The following MAP3K13 variants were observed in gnomAD, a reference collection of about 807,000 sequenced individuals.
MAP3K13 encodes mitogen-activated protein kinase kinase kinase 13, also known as leucine zipper-bearing kinase.
Under a neutral mutation model 104.0 loss-of-function variants are expected in MAP3K13, and 52 were observed. The ratio of observed to expected loss-of-function variants is 0.50; its 90% CI spans 0.40 to 0.63. The LOEUF is 0.63. Among genes scored for constraint, MAP3K13 ranks in the 20% least tolerant of loss-of-function variants. The pLI is 0.00. For synonymous variants in MAP3K13, 394 were observed against 442.2 expected (o/e 0.89, Z 1.37); for missense variants, 914 against 1,218.5 (o/e 0.75, Z 3.72).
rs1447269963 is a variant in MAP3K13 at position 185,455,516 on chromosome 3, AT to A, written c.1278+4122del. ...TATATACATGAGATATATATGAGAT[AT>A]ATATGATATATATGAGATATATATG... is the stretch of plus-strand genomic sequence containing the variant. On this transcript the variant is annotated intron_variant, in intron 7 of 13. Coordinates refer to ENST00000265026, the MANE Select transcript of MAP3K13 (RefSeq NM_004721.5). 2.7e-3 allele frequency among the ~76,000 whole-genome samples: 162 copies of A among 59,120 alleles called. 24 individuals carry two copies. The highest frequency in any genetic ancestry group is 6.5e-3 in the African/African-American group (155 of 23,878). The allele number at this position is 59,120 out of a possible 152,430, so 38.8% of individuals were successfully genotyped here.
intron 2 of MAP3K13, among the ~76,000 whole-genome samples, chr3:185,352,036 A>ATCAC (rs756594361): frequency 1.3e-5 from 2 of 152,210 alleles, no homozygotes; most frequent in African/African-American, 4.8e-5. Context: ...AGTTGCAAAC[A>ATCAC]TCACTCACTC....
chr3:185,348,148 A>G (rs77705043), intron 2 of MAP3K13, among the ~76,000 whole-genome samples: 24,321 of 152,136 alleles, frequency 0.16, 2,601 homozygotes, highest in African/African-American at 0.3. Context: ...AATTTTTCAA[A>G]TGTTGCATTG....
rs149149244 is a variant in MAP3K13, at chr3:185,333,039, G to A, written c.-86+47396G>A. 1.2e-3 allele frequency among the ~76,000 whole-genome samples: 176 copies of A among 152,238 alleles called. 1 individual carries two copies. The highest frequency in any genetic ancestry group is 3.9e-3 in the African/African-American group (164 of 41,530). On this transcript the variant is annotated intron_variant, in intron 2 of 14. Coordinates refer to the MAP3K13 transcript ENST00000424227. Reference sequence around the variant, plus strand: ...TTTCTTTCATTATGAGAGGGGTTGAGCATCTTTTCATATTTAAAATAAATG... The same window carrying A: ...TTTCTTTCATTATGAGAGGGGTTGAACATCTTTTCATATTTAAAATAAATG...
chr3:185,397,859 C>T (rs1436269772), intron 1 of MAP3K13, among the ~76,000 whole-genome samples: 7 of 152,052 alleles, frequency 4.6e-5, no homozygotes, highest in African/African-American at 1.7e-4. Flanking sequence ...TGTCAGTGGC[C>T]GTGTGGATGA....
chr3:185,333,245 T>C (rs556491331), intron 2 of MAP3K13, among the ~76,000 whole-genome samples: 1 of 152,312 alleles, frequency 6.6e-6, no homozygotes, highest in South Asian at 2.1e-4. Context: ...GATCTACTAA[T>C]AGCTGTGCAA....
chr3:185,354,050 C>G (rs1419890654), intron 2 of MAP3K13, among the ~76,000 whole-genome samples: 1 of 152,176 alleles, frequency 6.6e-6, no homozygotes, highest in Non-Finnish European at 1.5e-5. Flanking sequence ...ATTCCCTTCA[C>G]AAGCGTGCCA....
intron 2 of MAP3K13, among the ~76,000 whole-genome samples, chr3:185,354,043 C>T (rs1409743083): frequency 6.6e-6 from 1 of 152,158 alleles, no homozygotes; most frequent in Non-Finnish European, 1.5e-5. Flanking sequence ...AGCCTTTATT[C>T]CCTTCACAAG....
chr3:185,369,180 T>C (rs1724037325), intron 1 of MAP3K13, among the ~76,000 whole-genome samples: 1 of 152,130 alleles, frequency 6.6e-6, no homozygotes. Context: ...TAGACAGTGA[T>C]AAATGTTAAG....
chr3:185,459,049 T>C (rs1320467108), intron 7 of MAP3K13, among the ~76,000 whole-genome samples: 1 of 152,198 alleles, frequency 6.6e-6, no homozygotes, highest in Non-Finnish European at 1.5e-5. Context: ...TGTGCCTGGC[T>C]TTGAAGCTCT....
chr3:185,455,044 ATATGAGATATATG>A (rs1716360872), intron 7 of MAP3K13, among the ~76,000 whole-genome samples: 10 of 96,340 alleles, frequency 1.0e-4, no homozygotes, highest in African/African-American at 3.7e-4. Context: ...TATGATATAT[ATATGAGATATATG>A]TGAGATATAT....
Position 185,437,578 on chromosome 3 carries a change from A to G in MAP3K13, c.607A>G (p.Thr203Ala). The stretch of plus-strand genomic sequence containing the variant: ...CAAGAAAGTGAGAGAACAGAATGAG[A>G]CGGATATCAAGCATTTGAGGAAGTT... The part of the protein sequence containing the change: ...AIKKVREQNE[T>A]DIKHLRKLKH... The change falls in exon 3 of 14, where the codon ACG (threonine) becomes GCG (alanine). Residue 203 changes from threonine to alanine, a missense_variant. By Grantham distance (58) the Thr-to-Ala change is moderately conservative. This residue lies in a region of MAP3K13 where 175 missense variants were observed against 321.3 expected (regional missense o/e 0.54). Coordinates refer to ENST00000265026, the MANE Select transcript of MAP3K13 (RefSeq NM_004721.5). 6.2e-7 allele frequency: 1 copy of G among 1,613,454 alleles called. No homozygotes were observed. Among genetic ancestry groups the G allele is most frequent in the Non-Finnish European group, 8.5e-7 (1 of 1,179,890 alleles).
At chr3:185,419,560 C>T (rs568762403) in intron 1 of MAP3K13, among the ~76,000 whole-genome samples, 1 of 152,110 alleles carries the variant, frequency 6.6e-6, no homozygotes, top group Non-Finnish European at 1.5e-5. Context: ...ACCTTTTAAA[C>T]ATAATTTCTT....
intron 1 of MAP3K13, among the ~76,000 whole-genome samples, chr3:185,371,976 G>A (rs2108750481): frequency 6.6e-6 from 1 of 152,302 alleles, no homozygotes; most frequent in Middle Eastern, 3.4e-3. Context: ...GGATAATTGA[G>A]ACTAGTGAGA....
At chr3:185,286,418 A>G (rs1467092302) in intron 2 of MAP3K13, among the ~76,000 whole-genome samples, 1 of 152,056 alleles carries the variant, frequency 6.6e-6, no homozygotes, top group African/African-American at 2.4e-5. Flanking sequence ...ACTTCTAGGA[A>G]TTCATCTTTC....
At chr3:185,417,354 G>A (rs1713837412) in intron 1 of MAP3K13, 3 of 934,940 alleles carry the variant, frequency 3.2e-6, no homozygotes, top group Non-Finnish European at 3.1e-6. Context: ...CTTAGAACTT[G>A]GAAATAATCA....
chr3:185,366,984 T>C (rs1723919778), intron 1 of MAP3K13, among the ~76,000 whole-genome samples: 1 of 152,216 alleles, frequency 6.6e-6, no homozygotes, highest in South Asian at 2.1e-4. Context: ...TGGTGTCATA[T>C]CTAAGTTGGC....
intron 2 of MAP3K13, among the ~76,000 whole-genome samples, chr3:185,296,229 G>A (rs1339170240): frequency 3.3e-5 from 5 of 152,208 alleles, no homozygotes; most frequent in Non-Finnish European, 7.3e-5. Context: ...GGGTAACAGA[G>A]CAAGACCCTG....
intron 3 of MAP3K13, among the ~76,000 whole-genome samples, chr3:185,439,212 A>G (rs1379726297): frequency 6.6e-6 from 1 of 152,144 alleles, no homozygotes; most frequent in Non-Finnish European, 1.5e-5. Flanking sequence ...ACTAAGAGAC[A>G]GAAAGAAGTA....
chr3:185,453,278 T>C (rs542647195), intron 7 of MAP3K13, among the ~76,000 whole-genome samples: 15 of 152,338 alleles, frequency 9.8e-5, no homozygotes, highest in African/African-American at 2.9e-4. Flanking sequence ...CTTAATGTTA[T>C]TGTGCTTCAG....
Sources: gnomAD v4.1 joint callset for allele counts (sites outside exome capture counted in the v4.1 genomes callset) on GRCh38, gnomAD v4.1.1 for gene constraint, gnomAD v4.1.1 regional missense constraint, MANE v1.5 for transcripts, NCBI Gene and HGNC (gene_info 2026-07-23, HGNC 2026-07-21) for gene names.